The following NUSAP1 variants were observed in gnomAD, a reference collection of about 807,000 sequenced individuals.
The protein encoded by NUSAP1 is nucleolar and spindle-associated protein 1.
Under a neutral mutation model 52.8 loss-of-function variants are expected in NUSAP1, and 32 were observed. That is an observed-to-expected ratio of 0.61 (90% CI 0.46 to 0.81). The LOEUF is 0.81. Ranked by LOEUF, NUSAP1 falls within the 40% of genes least tolerant of loss-of-function variation. The pLI, the probability that NUSAP1 is intolerant of heterozygous loss-of-function variation, is 0.00. For synonymous variants in NUSAP1, 195 were observed against 183.1 expected, an observed-to-expected ratio of 1.06 and a Z score of -0.52; for missense variants, 499 against 522.3, an observed-to-expected ratio of 0.96 and a Z score of 0.43.
At chr15:41,346,791 C>T (rs1595543238) in intron 2 of NUSAP1, among the ~76,000 whole-genome samples, 1 of 151,302 alleles carries the variant, frequency 6.6e-6, no homozygotes, top group South Asian at 2.1e-4. Context: ...TGTGCTATTG[C>T]ACTCCATCCT....
chr15:41,332,889 A>C lies in NUSAP1; in HGVS notation c.-69A>C, dbSNP rs1456689201. The C allele has an allele frequency of 6.5e-6, 8 of 1,227,214 alleles. No homozygotes were observed. The highest frequency in any genetic ancestry group is 8.2e-6 in the Non-Finnish European group (7 of 850,898). 76.0% of individuals were successfully genotyped at this position (1,227,214 alleles called of 1,614,324 possible). A position where few individuals can be genotyped will look rare whatever the true frequency, so the allele number is the denominator to read the frequency against. On this transcript the variant is annotated 5_prime_UTR_variant, in exon 1 of 11. Transcript: ENST00000559596. ...CCTAGTCAAAGTTAAGAGTGGCGCC[A>C]GGGATTTGAACCGCGCTGACGAAGT...
intron 10 of NUSAP1, 81 bp from the exon 11 acceptor site, chr15:41,380,012 G>A (rs1595622109): frequency 1.1e-6 from 1 of 949,640 alleles, no homozygotes. Flanking sequence ...TGGAAGTTTG[G>A]GTGTTAGTCC....
intron 2 of NUSAP1, 132 bp downstream of exon 2, chr15:41,342,586 C>A: frequency 1.5e-6 from 1 of 663,774 alleles, no homozygotes; most frequent in Non-Finnish European, 2.5e-6. Flanking sequence ...GCCTATACTC[C>A]TAGCACTTTG....
chr15:41,344,965 G>A (rs1003581563), intron 2 of NUSAP1, among the ~76,000 whole-genome samples: 1 of 151,862 alleles, frequency 6.6e-6, no homozygotes, highest in African/African-American at 2.4e-5. Context: ...AAAAACCACC[G>A]CACTTATTTT....
In NUSAP1 at chr15:41,338,184, C is replaced by T. The variant is rs145907600; in HGVS notation, c.94-4202C>T. ...TCCTGACCTCAAGTGATCCACCTGC[C>T]TTGGCGTCCCAAAGTGCTGGGTTTA... On this transcript the variant is annotated intron_variant, in intron 1 of 10. Transcript: ENST00000559596. Among the ~76,000 whole-genome samples, 16 of 152,146 alleles carry T rather than the reference C, an allele frequency of 1.1e-4. No homozygotes were observed. The East Asian group carries it at 2.7e-3, about 26-fold the overall frequency.
chr15:41,375,802 G>A lies in NUSAP1; in HGVS notation c.1097G>A (p.Arg366His), dbSNP rs780377832. 1.2e-5 allele frequency: 20 copies of A among 1,612,614 alleles called. No homozygotes were observed. Among genetic ancestry groups the A allele is most frequent in the East Asian group, 4.5e-5 (2 of 44,880 alleles). ...TTTGATCTTAAAGCAAGTTTGTCTC[G>A]TCCCCTCAACTATGAACCACACAAA... ...PVFDLKASLS[R>H]PLNYEPHKGK... The change falls in exon 9 of 11, where the codon CGT becomes CAT. Residue 366 changes from arginine to histidine, a missense_variant. By Grantham distance (29) the Arg-to-His change is conservative. Transcript: ENST00000559596.
At chr15:41,346,992 G>A (rs1357895469) in intron 2 of NUSAP1, among the ~76,000 whole-genome samples, 1 of 151,966 alleles carries the variant, frequency 6.6e-6, no homozygotes, top group African/African-American at 2.4e-5. Context: ...GGCCAAAATG[G>A]TGAAATCCCG....
chr15:41,361,334 G>A lies in NUSAP1; in HGVS notation c.660+3076G>A, dbSNP rs191878584. On this transcript the variant is annotated intron_variant, in intron 6 of 10. Coordinates refer to ENST00000559596, the MANE Select transcript of NUSAP1 (RefSeq NM_016359.5). ...CTTGAACCCGGGAGGCAGAGGTTGCGGTGAGCCGAGACCATGCCATTGCAC... is the reference window on the plus strand; with the variant it reads ...CTTGAACCCGGGAGGCAGAGGTTGCAGTGAGCCGAGACCATGCCATTGCAC... Among the ~76,000 whole-genome samples the A allele has an allele frequency of 1.1e-3, 158 of 149,256 alleles. 1 individual carries two copies. The highest frequency in any genetic ancestry group is 3.7e-3 in the African/African-American group (149 of 40,586).
chr15:41,346,500 G>A (rs1431544747), intron 2 of NUSAP1, among the ~76,000 whole-genome samples: 1 of 151,644 alleles, frequency 6.6e-6, no homozygotes, highest in Non-Finnish European at 1.5e-5. Context: ...TAGAGACTGG[G>A]GTCTCATTAT....
chr15:41,368,053 C>A (rs1265014033), intron 7 of NUSAP1, among the ~76,000 whole-genome samples: 5 of 152,144 alleles, frequency 3.3e-5, no homozygotes, highest in African/African-American at 9.7e-5. Context: ...TGAAAGCTGT[C>A]TCCAAAAATA....
intron 2 of NUSAP1, among the ~76,000 whole-genome samples, chr15:41,347,238 A>T (rs571009900): frequency 6.6e-6 from 1 of 152,332 alleles, no homozygotes; most frequent in South Asian, 2.1e-4. Flanking sequence ...CTATCAAGGG[A>T]TGGCCTGTGG....
At chr15:41,361,862 A>C (rs531441302) in intron 6 of NUSAP1, among the ~76,000 whole-genome samples, 3 of 152,298 alleles carry the variant, frequency 2.0e-5, no homozygotes, top group South Asian at 4.1e-4. Context: ...TTAAAAAAAA[A>C]AATTACAATA....
chr15:41,339,843 G>A (rs142284500), intron 1 of NUSAP1, among the ~76,000 whole-genome samples: 1,772 of 150,340 alleles, frequency 0.012, 40 homozygotes, highest in African/African-American at 0.041. Context: ...GTGCAGTGGT[G>A]CGATTCCGGC....
intron 7 of NUSAP1, among the ~76,000 whole-genome samples, chr15:41,371,103 G>T (rs1284523924): frequency 1.3e-5 from 2 of 152,146 alleles, no homozygotes; most frequent in Non-Finnish European, 2.9e-5. Context: ...ACAAATGAAT[G>T]ACATTCTTTT....
At chr15:41,349,048 C>CATT (rs1567048286) in intron 2 of NUSAP1, 50 bp from the exon 3 acceptor site, 2 of 1,548,766 alleles carry the variant, frequency 1.3e-6, no homozygotes, top group East Asian at 4.5e-5. Flanking sequence ...TCTTCCTGAG[C>CATT]ATTATAACTG....
At chr15:41,342,176 C>A (rs1266039712) in intron 1 of NUSAP1, among the ~76,000 whole-genome samples, 1 of 152,176 alleles carries the variant, frequency 6.6e-6, no homozygotes. Context: ...GGCATTTACC[C>A]CACTGTATTG....
chr15:41,347,836 A>G (rs1048034933), intron 2 of NUSAP1, among the ~76,000 whole-genome samples: 2 of 151,986 alleles, frequency 1.3e-5, no homozygotes, highest in Non-Finnish European at 2.9e-5. Flanking sequence ...AAAAGAAAGA[A>G]AACGGACTGG....
chr15:41,364,760 C>G (rs534359552), intron 6 of NUSAP1, among the ~76,000 whole-genome samples: 5 of 151,918 alleles, frequency 3.3e-5, no homozygotes, highest in Non-Finnish European at 5.9e-5. Context: ...CCCAGCTACT[C>G]AGAAGGCTAA....
intron 7 of NUSAP1, among the ~76,000 whole-genome samples, chr15:41,370,286 G>A (rs1595594744): frequency 1.3e-5 from 2 of 152,056 alleles, no homozygotes; most frequent in South Asian, 4.1e-4. Context: ...GGAGGCTGAG[G>A]CAGGAGAATG....
Sources: gnomAD v4.1 joint callset for allele counts (sites outside exome capture counted in the v4.1 genomes callset) on GRCh38, gnomAD v4.1.1 for gene constraint, MANE v1.5 for transcripts, NCBI Gene and HGNC (gene_info 2026-07-23, HGNC 2026-07-21) for gene names.